ANKRD30B: variants seen among roughly 807,000 people sequenced by gnomAD.
ANKRD30B encodes ankyrin repeat domain-containing protein 30B.
Under a neutral mutation model 202.2 loss-of-function variants are expected in ANKRD30B, and 144 were observed. The observed-to-expected ratio is 0.71, with a 90% CI of 0.62 to 0.82. ANKRD30B has a LOEUF of 0.82. Among genes scored for constraint, ANKRD30B ranks in the 40% least tolerant of loss-of-function variants. The probability of loss-of-function intolerance (pLI) is 0.00; values close to 1 mark genes in which losing one functional copy is unlikely to be tolerated. For synonymous variants in ANKRD30B, 508 were observed against 561.3 expected, an observed-to-expected ratio of 0.91 and a Z score of 1.34; for missense variants, 1,487 against 1,669.1, an observed-to-expected ratio of 0.89 and a Z score of 1.90.
chr18:14,757,987 T>C (rs199914474), intron 5 of ANKRD30B, 35 bp downstream of exon 5: 1 of 1,544,676 alleles, frequency 6.5e-7, no homozygotes, highest in Non-Finnish European at 8.7e-7. Flanking sequence ...GGTGAAATTT[T>C]ATTGTTTGTT....
chr18:14,830,406 A>G (rs1031873374), intron 33 of ANKRD30B, among the ~76,000 whole-genome samples: 2 of 152,082 alleles, frequency 1.3e-5, no homozygotes, highest in African/African-American at 4.8e-5. Context: ...CTTACTTTTA[A>G]TGTTTCAATT....
At chr18:14,862,087 T>C in the ANKRD30B span, among the ~76,000 whole-genome samples, 3 of 151,698 alleles carry the variant, frequency 2.0e-5, no homozygotes, top group Non-Finnish European at 4.4e-5. Context: ...CTGAAACAAA[T>C]GAAAATAGAA....
In ANKRD30B at chr18:14,791,479, G is replaced by A. The variant is rs879061658; in HGVS notation, c.1813G>A (p.Gly605Arg). 14 of 1,607,652 alleles carry A rather than the reference G, an allele frequency of 8.7e-6. No individual in the cohort carries two copies. The South Asian group carries it at 1.6e-4, about 18-fold the overall frequency. ...TCAAAAAGAATTCGATACCTTAAGT[G>A]GAAAATTAGAAGGTAAGAACCATTT... is the stretch of plus-strand genomic sequence containing the variant. ...THQKEFDTLSGKLEESPVKDG... is the reference protein window; with the variant it reads ...THQKEFDTLSRKLEESPVKDG... The change falls in exon 16 of 44, where the codon GGA becomes AGA. Residue 605 changes from glycine to arginine, a missense_variant. Physicochemically the swap from Gly to Arg is moderately radical, Grantham distance 125. This residue lies in a region of ANKRD30B where 889 missense variants were observed against 841.4 expected (regional missense o/e 1.06). Transcript: ENST00000690538.
Position 14,752,614 on chromosome 18 carries a change from A to C in ANKRD30B, c.270A>C (p.Thr90=), listed in dbSNP as rs748681038. ...ACVNGHAEVV[T]FLVDRKCQLN... ...TCAATGGCCATGCAGAAGTAGTAAC[A>C]TTTCTGGTAGACAGAAAGTGCCAGC... The change falls in exon 2 of 44, where the codon ACA becomes ACC. Residue 90 remains threonine (T), a synonymous_variant. Transcript: ENST00000690538. 5 of 1,612,556 alleles carry C rather than the reference A, an allele frequency of 3.1e-6. No individual in the cohort carries two copies. Among genetic ancestry groups the C allele is most frequent in the Non-Finnish European group, 4.2e-6 (5 of 1,179,124 alleles).
the ANKRD30B span, among the ~76,000 whole-genome samples, chr18:14,882,327 A>T: frequency 1.3e-5 from 2 of 152,174 alleles, no homozygotes; most frequent in Admixed American, 6.5e-5. Flanking sequence ...GTTCGAAGAA[A>T]TTTTTTACAT....
chr18:14,767,473 A>C (rs1326095353), intron 7 of ANKRD30B, among the ~76,000 whole-genome samples: 1 of 152,242 alleles, frequency 6.6e-6, no homozygotes, highest in Non-Finnish European at 1.5e-5. Context: ...ACGGTCTCTC[A>C]AAGTGTCTTG....
At chr18:14,769,824 A>C (rs1339013671) in intron 8 of ANKRD30B, among the ~76,000 whole-genome samples, 1 of 152,212 alleles carries the variant, frequency 6.6e-6, no homozygotes, top group Non-Finnish European at 1.5e-5. Flanking sequence ...TTGTTCTAAC[A>C]TGTTTAACTG....
chr18:14,793,464 TCTC>T (rs1968661100), intron 16 of ANKRD30B, among the ~76,000 whole-genome samples: 1 of 152,092 alleles, frequency 6.6e-6, no homozygotes, highest in Non-Finnish European at 1.5e-5. Flanking sequence ...AGATCACTTA[TCTC>T]CTCATCACTC....
At chr18:14,902,351 G>T in the ANKRD30B span, among the ~76,000 whole-genome samples, 1 of 152,004 alleles carries the variant, frequency 6.6e-6, no homozygotes, top group African/African-American at 2.4e-5. Context: ...CAAAAAAGAG[G>T]GATTTACCCA....
At chr18:14,883,631 T>A in the ANKRD30B span, 2 of 149,658 alleles carry the variant, frequency 1.3e-5, no homozygotes, top group Admixed American at 6.7e-5. Context: ...CCAGCTGGAA[T>A]CTATGATCTT....
the ANKRD30B span, among the ~76,000 whole-genome samples, chr18:14,880,705 A>G: frequency 4.2e-4 from 64 of 151,614 alleles, 1 homozygote; most frequent in African/African-American, 1.5e-3. Flanking sequence ...AGCTGGGATT[A>G]TAGGCATGCA....
At position 14,810,183 on chromosome 18, in the gene ANKRD30B, A is replaced by G. The variant is rs1443568448; in HGVS notation, c.2488+3A>G. Reference sequence around the variant, plus strand: ...GGACAGAGAAACATTAAAAGCAGGTAAACTTTGTAATTTAAATTTTACTCT... The same window carrying G: ...GGACAGAGAAACATTAAAAGCAGGTGAACTTTGTAATTTAAATTTTACTCT... On this transcript the variant is annotated splice_donor_region_variant and intron_variant, in intron 28 of 43. Transcript: ENST00000690538. 8.8e-6 allele frequency: 12 copies of G among 1,363,196 alleles called. 1 individual carries two copies. The South Asian group carries it at 1.2e-4, about 14-fold the overall frequency. 84.4% of individuals were successfully genotyped at this position (1,363,196 alleles called of 1,614,324 possible). A position where few individuals can be genotyped will look rare whatever the true frequency, so the allele number is the denominator to read the frequency against.
chr18:14,901,628 C>A, the ANKRD30B span, among the ~76,000 whole-genome samples: 5 of 151,366 alleles, frequency 3.3e-5, no homozygotes, highest in African/African-American at 1.2e-4. Context: ...TTGTTGTGAG[C>A]AAAATGGGAA....
At chr18:14,919,237 C>T in the ANKRD30B span, among the ~76,000 whole-genome samples, 1 of 152,222 alleles carries the variant, frequency 6.6e-6, no homozygotes, top group African/African-American at 2.4e-5. Context: ...CAAAATGTTT[C>T]TTGAAACACA....
the ANKRD30B span, among the ~76,000 whole-genome samples, chr18:14,876,894 C>T: frequency 1.3e-5 from 2 of 151,924 alleles, no homozygotes; most frequent in African/African-American, 4.8e-5. Flanking sequence ...CTCTGTCACG[C>T]AAAGTTCAAA....
At chr18:14,941,131 C>G in the ANKRD30B span, among the ~76,000 whole-genome samples, 3 of 152,136 alleles carry the variant, frequency 2.0e-5, no homozygotes, top group Non-Finnish European at 4.4e-5. Context: ...ACTTATTGAA[C>G]CAAAGTATTG....
intron 6 of ANKRD30B, among the ~76,000 whole-genome samples, chr18:14,762,543 A>T (rs1372288534): frequency 2.6e-5 from 4 of 152,192 alleles, no homozygotes; most frequent in Non-Finnish European, 5.9e-5. Context: ...CTAAGTTGAA[A>T]CCAAATAAGA....
Position 14,791,609 on chromosome 18 carries a change from A to G in ANKRD30B, c.1825+118A>G, listed in dbSNP as rs1179232726. 3.9e-6 allele frequency: 3 copies of G among 767,276 alleles called. 1 individual carries two copies. The East Asian group carries it at 8.5e-5, about 22-fold the overall frequency. 47.5% of individuals were successfully genotyped at this position (767,276 alleles called of 1,614,324 possible). A position where few individuals can be genotyped will look rare whatever the true frequency, so the allele number is the denominator to read the frequency against. ...CTCCTTAATGCAAAGCACAGAAAAA[A>G]GAGAAGTGAAACGGTGATAAGTTAT... On this transcript the variant is annotated intron_variant, in intron 16 of 43. Coordinates refer to ENST00000690538, the MANE Select transcript of ANKRD30B (RefSeq NM_001367607.2).
At chr18:14,798,542 C>T (rs935123460) in intron 20 of ANKRD30B, among the ~76,000 whole-genome samples, 8 of 152,134 alleles carry the variant, frequency 5.3e-5, no homozygotes, top group Middle Eastern at 6.8e-3. Flanking sequence ...CCGGTTAGAC[C>T]AGAAATTCTC....
Sources: gnomAD v4.1 joint callset for allele counts (sites outside exome capture counted in the v4.1 genomes callset) on GRCh38, gnomAD v4.1.1 for gene constraint, gnomAD v4.1.1 regional missense constraint, MANE v1.5 for transcripts, NCBI Gene and HGNC (gene_info 2026-07-23, HGNC 2026-07-21) for gene names.